The following KIAA2012 variants were observed in gnomAD, a reference collection of about 807,000 sequenced individuals.
The protein encoded by KIAA2012 is uncharacterized protein KIAA2012.
In KIAA2012, 125 loss-of-function variants were observed where a neutral mutation model predicts 150.6. The ratio of observed to expected loss-of-function variants is 0.83; its 90% confidence interval spans 0.72 to 0.96. The LOEUF is 0.96. KIAA2012 is among the 40% of genes least tolerant of loss of function. KIAA2012 has a pLI of 0.00. For synonymous variants in KIAA2012, 462 were observed against 504.7 expected (o/e 0.92, Z 1.13); for missense variants, 1,219 against 1,354.9 (o/e 0.90, Z 1.57).
intron 15 of KIAA2012, among the ~76,000 whole-genome samples, chr2:202,180,503 AT>A (rs1190492767): frequency 1.3e-5 from 2 of 152,176 alleles, no homozygotes; most frequent in Non-Finnish European, 2.9e-5. Context: ...AATCAGAAAT[AT>A]GAACAAAGAG....
intron 15 of KIAA2012, among the ~76,000 whole-genome samples, chr2:202,181,767 G>A (rs117941743): frequency 1.3e-5 from 2 of 152,250 alleles, no homozygotes; most frequent in East Asian, 3.9e-4. Flanking sequence ...AGCATGGTGA[G>A]ATTTTTTTGG....
chr2:202,166,067 C>T (rs1691753804), intron 15 of KIAA2012, among the ~76,000 whole-genome samples: 1 of 152,142 alleles, frequency 6.6e-6, no homozygotes, highest in Admixed American at 6.6e-5. Context: ...TGACAGGGCT[C>T]CAAGGGCTTG....
chr2:202,108,567 G>T (rs948803198), intron 9 of KIAA2012, among the ~76,000 whole-genome samples: 1 of 152,256 alleles, frequency 6.6e-6, no homozygotes, highest in East Asian at 1.9e-4. Context: ...AAGAAGATGG[G>T]CCAGTTGCTT....
At chr2:202,102,809 G>A (rs562213907) in intron 7 of KIAA2012, 137 bp from the exon 8 acceptor site, 41 of 795,774 alleles carry the variant, frequency 5.2e-5, no homozygotes, top group African/African-American at 4.9e-4. Context: ...GTCAGATACC[G>A]GCTCCCAGCT....
intron 13 of KIAA2012, among the ~76,000 whole-genome samples, chr2:202,151,168 G>A (rs935811136): frequency 6.6e-6 from 1 of 152,198 alleles, no homozygotes; most frequent in East Asian, 1.9e-4. Flanking sequence ...AGGCCAAGGC[G>A]GGTGGACCAC....
At chr2:202,181,588 TA>T (rs1040273280) in intron 15 of KIAA2012, among the ~76,000 whole-genome samples, 209 of 141,524 alleles carry the variant, frequency 1.5e-3, no homozygotes, top group African/African-American at 3.6e-3. Context: ...TCTCTAAGAA[TA>T]AAAAAAAAAA....
intron 14 of KIAA2012, among the ~76,000 whole-genome samples, chr2:202,160,751 A>G (rs1176337389): frequency 6.6e-6 from 1 of 152,234 alleles, no homozygotes; most frequent in East Asian, 1.9e-4. Flanking sequence ...TTAGTCATTT[A>G]TATTCATGTA....
chr2:202,123,256 G>A (rs1476930226), intron 11 of KIAA2012, among the ~76,000 whole-genome samples: 5 of 152,156 alleles, frequency 3.3e-5, no homozygotes, highest in African/African-American at 9.7e-5. Flanking sequence ...TTTCTCTTTC[G>A]TGACTGTTTT....
chr2:202,119,025 G>A (rs1056521918), intron 11 of KIAA2012, among the ~76,000 whole-genome samples: 6 of 152,202 alleles, frequency 3.9e-5, no homozygotes, highest in Admixed American at 1.3e-4. Flanking sequence ...GGCCAGGCGC[G>A]ATGGCTCATG....
intron 13 of KIAA2012, among the ~76,000 whole-genome samples, chr2:202,151,501 A>T (rs928956979): frequency 1.4e-5 from 2 of 140,104 alleles, no homozygotes; most frequent in African/African-American, 6.7e-5. Flanking sequence ...GGCTGGCTCC[A>T]GCTTGTCATC....
At chr2:202,110,537 C>G (rs2140030) in intron 10 of KIAA2012, among the ~76,000 whole-genome samples, 129,939 of 152,216 alleles carry the variant, frequency 0.85, 55,575 homozygotes, top group African/African-American at 0.91. Flanking sequence ...GAAGGCTTGG[C>G]CTGCTTTCTC....
intron 7 of KIAA2012, 137 bp from the exon 8 acceptor site, chr2:202,102,809 G>T: frequency 2.5e-6 from 2 of 795,774 alleles, no homozygotes. Flanking sequence ...GTCAGATACC[G>T]GCTCCCAGCT....
chr2:202,170,834 G>A (rs533428614), intron 15 of KIAA2012, among the ~76,000 whole-genome samples: 1 of 152,304 alleles, frequency 6.6e-6, no homozygotes, highest in Admixed American at 6.5e-5. Flanking sequence ...TGTGTGCCAG[G>A]CACCAGGCTA....
chr2:202,165,691 A>G (rs1263055939), intron 15 of KIAA2012, among the ~76,000 whole-genome samples: 2 of 152,228 alleles, frequency 1.3e-5, no homozygotes, highest in African/African-American at 4.8e-5. Flanking sequence ...ACTGCACTCC[A>G]GCCTGGGCAA....
At chr2:202,150,737 C>A (rs865838744) in intron 13 of KIAA2012, among the ~76,000 whole-genome samples, 5 of 152,108 alleles carry the variant, frequency 3.3e-5, no homozygotes, top group African/African-American at 1.2e-4. Flanking sequence ...CATAAGCCAC[C>A]GCACCTGTCC....
At chr2:202,126,853 T>A (rs1051734124) in intron 12 of KIAA2012, among the ~76,000 whole-genome samples, 1 of 152,304 alleles carries the variant, frequency 6.6e-6, no homozygotes, top group South Asian at 2.1e-4. Flanking sequence ...AAGTTAGGAT[T>A]TGAACCCAAG....
Position 202,203,838 on chromosome 2 carries a change from C to T in KIAA2012, c.*21-1160C>T, listed in dbSNP as rs1385897254. Among the ~76,000 whole-genome samples the T allele has an allele frequency of 4.0e-5, 6 of 150,934 alleles. No homozygotes were observed. In the East Asian group the frequency reaches 7.8e-4, roughly 20 times the overall value. On this transcript the variant is annotated intron_variant, in intron 23 of 23. Coordinates refer to ENST00000498697, the MANE Select transcript of KIAA2012 (RefSeq NM_001277372.4). ...AGGCTGGAGTGCAGTGGCACGATCT[C>T]GGCTCACTGCAAGCTTCGCCTCCCG...
At chr2:202,168,078 G>A (rs1461242305) in intron 15 of KIAA2012, among the ~76,000 whole-genome samples, 1 of 152,026 alleles carries the variant, frequency 6.6e-6, no homozygotes, top group South Asian at 2.1e-4. Flanking sequence ...CTTATCTCAT[G>A]GGGTGGTTGT....
chr2:202,116,184 G>C (rs912311932), intron 11 of KIAA2012: 11 of 152,216 alleles, frequency 7.2e-5, no homozygotes, highest in African/African-American at 2.7e-4. Context: ...GGATGTTTAT[G>C]CCAATGATTC....
Sources: gnomAD v4.1 joint callset for allele counts (sites outside exome capture counted in the v4.1 genomes callset) on GRCh38, gnomAD v4.1.1 for gene constraint, MANE v1.5 for transcripts, NCBI Gene and HGNC (gene_info 2026-07-23, HGNC 2026-07-21) for gene names.